TBC1D7: variants seen among roughly 807,000 people sequenced by gnomAD.
The protein encoded by TBC1D7 is TBC1 domain family member 7.
TBC1D7 carries 33 observed loss-of-function variants against 35.3 expected under a neutral mutation model. That is an observed-to-expected ratio of 0.93 (90% CI 0.71 to 1.25). The LOEUF is 1.25. Ranked by LOEUF, TBC1D7 falls within the 50% of genes most tolerant of loss-of-function variation. The pLI, the probability that TBC1D7 is intolerant of heterozygous loss-of-function variation, is 0.00. For missense variants in TBC1D7, 362 were observed against 365.3 expected (o/e 0.99, Z 0.07); for synonymous variants, 135 against 129.5 (o/e 1.04, Z -0.29).
chr6:13,314,221 G>A lies in TBC1D7; in HGVS notation c.519+2350C>T, dbSNP rs959833291. 2.7e-5 allele frequency among the ~76,000 whole-genome samples: 4 copies of A among 150,088 alleles called. No homozygotes were observed. In the South Asian group the frequency reaches 8.5e-4, roughly 32 times the overall value. On this transcript the variant is annotated intron_variant, in intron 5 of 7. Coordinates refer to ENST00000379300, the MANE Select transcript of TBC1D7 (RefSeq NM_016495.6). ...CTCCATCTCAAAAAAAAAAAAAAAG[G>A]AAAGGAAAATCATATCATAGATGCA...
At chr6:13,309,269 A>C (rs554364193) in intron 5 of TBC1D7, among the ~76,000 whole-genome samples, 1 of 152,348 alleles carries the variant, frequency 6.6e-6, no homozygotes, top group East Asian at 1.9e-4. Flanking sequence ...AATTTCATCC[A>C]AAAGTCAGTA....
intron 5 of TBC1D7, 76 bp from the exon 6 acceptor site, chr6:13,307,821 A>G: frequency 2.1e-6 from 3 of 1,434,262 alleles, no homozygotes; most frequent in Non-Finnish European, 2.9e-6. Flanking sequence ...CTCTGATGAA[A>G]AAAAAGTACA....
intron 5 of TBC1D7, among the ~76,000 whole-genome samples, chr6:13,312,453 G>A (rs1259475607): frequency 6.6e-6 from 1 of 152,120 alleles, no homozygotes; most frequent in Non-Finnish European, 1.5e-5. Flanking sequence ...TTGGGAGGCC[G>A]AGTGGGGGCA....
Position 13,304,974 on chromosome 6 carries a change from G to T in TBC1D7, c.*127C>A. 1.4e-6 allele frequency: 1 copy of T among 692,840 alleles called. No individual in the cohort carries two copies. The highest frequency in any genetic ancestry group is 2.3e-6 in the Non-Finnish European group (1 of 431,970). The allele number at this position is 692,840 out of a possible 1,614,324, so 42.9% of individuals were successfully genotyped here. ...CATTTCAATTAAATAATTTTATTGG[G>T]GGAAAAAAACCACTTTGAGCACCAA... is the stretch of plus-strand genomic sequence containing the variant. On this transcript the variant is annotated 3_prime_UTR_variant, in exon 8 of 8. Coordinates refer to ENST00000379300, the MANE Select transcript of TBC1D7 (RefSeq NM_016495.6).
rs985404661 is a variant in TBC1D7, at chr6:13,328,495, A to T, written c.-208T>A. On this transcript the variant is annotated 5_prime_UTR_variant, in exon 1 of 8. Transcript: ENST00000379300. Reference sequence around the variant, plus strand: ...CGCGCCCAGACGGCCCGGGAGACAAAACTCAGCGCCGCTGCCGCTGCCGCT... The same window carrying T: ...CGCGCCCAGACGGCCCGGGAGACAATACTCAGCGCCGCTGCCGCTGCCGCT... 3 of 130,820 alleles carry T rather than the reference A, an allele frequency of 2.3e-5. No individual in the cohort carries two copies. Among genetic ancestry groups the T allele is most frequent in the Non-Finnish European group, 5.2e-5 (3 of 57,676 alleles). 8.1% of individuals were successfully genotyped at this position (130,820 alleles called of 1,614,324 possible). A position where few individuals can be genotyped will look rare whatever the true frequency, so the allele number is the denominator to read the frequency against.
Position 13,306,448 on chromosome 6 carries a change from T to C in TBC1D7, c.745A>G (p.Lys249Glu). 1 of 1,609,480 alleles carries C rather than the reference T, an allele frequency of 6.2e-7. No individual in the cohort carries two copies. Among genetic ancestry groups the C allele is most frequent in the Non-Finnish European group, 8.5e-7 (1 of 1,178,334 alleles). ...TCTGCACTGTTCAGTGCCATAACTT[T>C]TATTTTAAAGGTTAATAAAATTTCG... ...AVEILLTFKI[K>E]VMALNSAEKI... The change falls in exon 7 of 8, where the codon AAA becomes GAA. Residue 249 changes from lysine (K) to glutamate (E), a missense_variant. Coordinates refer to ENST00000379300, the MANE Select transcript of TBC1D7 (RefSeq NM_016495.6).
chr6:13,308,637 G>C (rs1251924330), intron 5 of TBC1D7, among the ~76,000 whole-genome samples: 1 of 151,704 alleles, frequency 6.6e-6, no homozygotes, highest in Non-Finnish European at 1.5e-5. Context: ...ATCTGCAGGA[G>C]TACAACCAGG....
At chr6:13,327,731 A>C (rs1172989211) in intron 1 of TBC1D7, 2 of 152,242 alleles carry the variant, frequency 1.3e-5, no homozygotes, top group Non-Finnish European at 2.9e-5. Context: ...TAACCTTCAT[A>C]ATACTGGCGG....
At chr6:13,317,470 C>G (rs58230078) in intron 4 of TBC1D7, among the ~76,000 whole-genome samples, 7,356 of 152,258 alleles carry the variant, frequency 0.048, 582 homozygotes, top group African/African-American at 0.17. Flanking sequence ...AAGTATCACA[C>G]TTTCCCTTAA....
In TBC1D7 at chr6:13,321,039, GCTC is replaced by G; in HGVS notation, c.247_249del (p.Glu83del). On this transcript the variant is annotated inframe_deletion, in exon 4 of 8. Transcript: ENST00000379300. Reference sequence around the variant, plus strand: ...AGGGCATGAAGGACATCCAAGTACTGCTCCTTACGATACATCATCACCTTGGCA... The same window carrying G: ...AGGGCATGAAGGACATCCAAGTACTGCTTACGATACATCATCACCTTGGCA... 6.2e-7 allele frequency: 1 copy of G among 1,614,180 alleles called. No homozygotes were observed. The highest frequency in any genetic ancestry group is 8.5e-7 in the Non-Finnish European group (1 of 1,180,020).
intron 2 of TBC1D7, among the ~76,000 whole-genome samples, chr6:13,325,880 C>G (rs373173591): frequency 6.6e-6 from 1 of 152,192 alleles, no homozygotes; most frequent in African/African-American, 2.4e-5. Context: ...TTAAGTGGTA[C>G]AGTCTGCCTT....
chr6:13,315,497 T>G (rs1031232047), intron 5 of TBC1D7, among the ~76,000 whole-genome samples: 1 of 152,140 alleles, frequency 6.6e-6, no homozygotes, highest in Non-Finnish European at 1.5e-5. Context: ...GCGGATAACC[T>G]GAGGTCAGGA....
At chr6:13,307,344 G>A (rs1046527969) in intron 6 of TBC1D7, 20 of 333,610 alleles carry the variant, frequency 6.0e-5, no homozygotes, top group East Asian at 2.4e-4. Context: ...AGGGGCTGAC[G>A]CTTATATAAA....
rs373821029 is a variant in TBC1D7, at chr6:13,307,654, T to C, written c.611A>G (p.Asp204Gly). Residue 204 changes from aspartate to glycine, a missense_variant, in exon 6 of 8, where the codon GAT becomes GGT. By Grantham distance (94) the Asp-to-Gly change is moderately conservative. Coordinates refer to ENST00000379300, the MANE Select transcript of TBC1D7 (RefSeq NM_016495.6). ...CGCAAAGCACCTCTTGAACCAGAGATCATAAGGAAGTTTGGGCGCCGCGGA... is the reference window on the plus strand; with the variant it reads ...CGCAAAGCACCTCTTGAACCAGAGACCATAAGGAAGTTTGGGCGCCGCGGA... ...MCSAAPKLPYDLWFKRCFAGC... is the reference protein window; with the variant it reads ...MCSAAPKLPYGLWFKRCFAGC... 19 of 1,614,008 alleles carry C rather than the reference T, an allele frequency of 1.2e-5. No homozygotes were observed. The highest frequency in any genetic ancestry group is 1.5e-5 in the Non-Finnish European group (18 of 1,180,032).
Position 13,310,840 on chromosome 6 carries a change from GTATA to G in TBC1D7, c.520-3099_520-3096del, listed in dbSNP as rs779252516. 8.7e-4 allele frequency among the ~76,000 whole-genome samples: 132 copies of G among 152,050 alleles called. 2 individuals are homozygous for G. Among genetic ancestry groups the G allele is most frequent in the Non-Finnish European group, 1.6e-3 (110 of 68,000 alleles). On this transcript the variant is annotated intron_variant, in intron 5 of 7. Coordinates refer to ENST00000379300, the MANE Select transcript of TBC1D7 (RefSeq NM_016495.6). ...AGAAGGTGAATTCAAATACATATGT[GTATA>G]TATATTTTTTAATGGAAGGAGCTAA...
In TBC1D7 at chr6:13,320,977, C is replaced by A. The variant is rs944392982; in HGVS notation, c.312G>T (p.Gln104His). The change falls in exon 4 of 8, where the codon CAG (glutamine) becomes CAT (histidine). Residue 104 changes from glutamine to histidine, a missense_variant. Gln to His is a conservative substitution (Grantham distance 24, BLOSUM62 0). Transcript: ENST00000379300. ...GATACATGCGGAGATAGACTTCAGC[C>A]TGAGGTGTGGCATCACTAACAAAGC... ...VVRFVSDATP[Q>H]AEVYLRMYQL... is the part of the protein sequence containing the mutation. 6.2e-7 allele frequency: 1 copy of A among 1,614,166 alleles called. No individual in the cohort carries two copies. The highest frequency in any genetic ancestry group is 8.5e-7 in the Non-Finnish European group (1 of 1,180,022).
At chr6:13,308,210 G>T (rs1189111917) in intron 5 of TBC1D7, among the ~76,000 whole-genome samples, 1 of 152,184 alleles carries the variant, frequency 6.6e-6, no homozygotes, top group Non-Finnish European at 1.5e-5. Flanking sequence ...TTAGAGTGGG[G>T]AGAGGGCATT....
intron 3 of TBC1D7, among the ~76,000 whole-genome samples, 168 bp from the exon 4 acceptor site, chr6:13,321,263 A>G (rs758535616): frequency 1.2e-4 from 18 of 152,234 alleles, no homozygotes. Context: ...TCACTATAAA[A>G]CAATCTTAAA....
At chr6:13,314,642 A>G (rs2496153) in intron 5 of TBC1D7, among the ~76,000 whole-genome samples, 44,628 of 152,024 alleles carry the variant, frequency 0.29, 6,766 homozygotes, top group South Asian at 0.46. Flanking sequence ...TAAAAATCAA[A>G]TTTTACTTAG....
Sources: gnomAD v4.1 joint callset for allele counts (sites outside exome capture counted in the v4.1 genomes callset) on GRCh38, gnomAD v4.1.1 for gene constraint, MANE v1.5 for transcripts, NCBI Gene and HGNC (gene_info 2026-07-23, HGNC 2026-07-21) for gene names.